Variants in GLTP observed in about 807,000 individuals in gnomAD.
GLTP encodes glycolipid transfer protein.
In GLTP, 22 loss-of-function variants were observed where a neutral mutation model predicts 24.0. That is an observed-to-expected ratio of 0.92 (90% CI 0.65 to 1.31). The LOEUF (loss-of-function observed/expected upper bound fraction) is 1.31. Among genes scored for constraint, GLTP ranks in the 50% most tolerant of loss-of-function variants. The probability of loss-of-function intolerance (pLI) is 0.00; values close to 1 mark genes in which losing one functional copy is unlikely to be tolerated. For synonymous variants in GLTP, 92 were observed against 115.9 expected (o/e 0.79, Z 1.33); for missense variants, 224 against 276.6 (o/e 0.81, Z 1.35).
intron 1 of GLTP, among the ~76,000 whole-genome samples, chr12:109,873,693 C>T (rs926258188): frequency 2.7e-5 from 4 of 150,906 alleles, no homozygotes; most frequent in Non-Finnish European, 2.9e-5. Flanking sequence ...CCTATAATCC[C>T]AACTACTTAT....
chr12:109,866,694 C>T (rs946941996), intron 1 of GLTP, among the ~76,000 whole-genome samples: 8 of 151,842 alleles, frequency 5.3e-5, no homozygotes, highest in East Asian at 1.9e-4. Context: ...CCCCTCAAAC[C>T]GTCACTAAAT....
intron 1 of GLTP, among the ~76,000 whole-genome samples, chr12:109,867,399 T>G (rs1868564501): frequency 6.6e-6 from 1 of 152,146 alleles, no homozygotes; most frequent in African/African-American, 2.4e-5. Context: ...TCCACCCACC[T>G]CGGCTTCCCA....
At chr12:109,877,065 G>T (rs1868907533) in intron 1 of GLTP, among the ~76,000 whole-genome samples, 1 of 152,160 alleles carries the variant, frequency 6.6e-6, no homozygotes. Context: ...TGTTGCCCAG[G>T]CTGGTCTCAA....
intron 1 of GLTP, among the ~76,000 whole-genome samples, chr12:109,865,362 C>T (rs1020918433): frequency 4.9e-4 from 75 of 152,206 alleles, no homozygotes; most frequent in East Asian, 1.9e-4. Context: ...CATGGTGGCT[C>T]ACGCCTGTAA....
At chr12:109,869,622 A>ATT (rs1186003385) in intron 1 of GLTP, among the ~76,000 whole-genome samples, 1 of 136,842 alleles carries the variant, frequency 7.3e-6, no homozygotes, top group African/African-American at 2.7e-5. Context: ...CACCCAGCTA[A>ATT]TTTTTTTTTT....
Position 109,852,711 on chromosome 12 carries a change from C to T in GLTP, c.474G>A (p.Lys158=), listed in dbSNP as rs1892743314. ...FQAALYAAPY[K]SDFLKALSKG... ...TGGAGAGCGCTTTCAGGAAGTCAGA[C>T]TTATAGGGTGCTGCGTACAGTGCTG... is the stretch of plus-strand genomic sequence containing the variant. The change falls in exon 5 of 5, where the codon AAG becomes AAA. Residue 158 remains lysine (K), a synonymous_variant. Coordinates refer to ENST00000318348, the MANE Select transcript of GLTP (RefSeq NM_016433.4). The T allele has an allele frequency of 6.2e-7, 1 of 1,612,994 alleles. No individual in the cohort carries two copies. The highest frequency in any genetic ancestry group is 8.5e-7 in the Non-Finnish European group (1 of 1,179,052).
At chr12:109,862,839 G>C (rs113837569) in intron 1 of GLTP, among the ~76,000 whole-genome samples, 8,303 of 152,174 alleles carry the variant, frequency 0.055, 336 homozygotes, top group East Asian at 0.11. Context: ...ATCACCTGAG[G>C]TCAGGAGTTC....
Position 109,855,623 on chromosome 12 carries a change from A to T in GLTP, c.443T>A (p.Phe148Tyr). Residue 148 changes from phenylalanine to tyrosine, a missense_variant, in exon 4 of 5, where the codon TTC (phenylalanine) becomes TAC (tyrosine). Phe to Tyr is a conservative substitution (Grantham distance 22). Transcript: ENST00000318348. The surrounding 1 kb of genome is among the most constrained non-coding windows in gnomAD (Gnocchi z 4.1). ...KYHGWIVQKI[F>Y]QAALYAAPYK... Reference sequence around the variant, plus strand: ...GGGCTCATGGGGGTGGCTCACCTGGAAGATCTTCTGCACGATCCAGCCATG... The same window carrying T: ...GGGCTCATGGGGGTGGCTCACCTGGTAGATCTTCTGCACGATCCAGCCATG... 6.5e-7 allele frequency: 1 copy of T among 1,545,416 alleles called. No homozygotes were observed. The highest frequency in any genetic ancestry group is 8.7e-7 in the Non-Finnish European group (1 of 1,144,064).
intron 1 of GLTP, among the ~76,000 whole-genome samples, chr12:109,872,984 C>A (rs1868771998): frequency 6.6e-6 from 1 of 152,194 alleles, no homozygotes; most frequent in Non-Finnish European, 1.5e-5. Flanking sequence ...AATACAAATT[C>A]ATAAACTTTC....
chr12:109,872,579 G>A (rs995716794), intron 1 of GLTP, among the ~76,000 whole-genome samples: 9 of 152,114 alleles, frequency 5.9e-5, no homozygotes, highest in African/African-American at 1.9e-4. Context: ...TTGTTCTCTG[G>A]CCAGGTGGGA....
intron 4 of GLTP, among the ~76,000 whole-genome samples, chr12:109,854,284 T>TG (rs1309202070): frequency 7.0e-6 from 1 of 141,880 alleles, no homozygotes; most frequent in Non-Finnish European, 1.5e-5. Context: ...CGCTTGAGCC[T>TG]GGGAAGTGGA....
At chr12:109,877,991 G>A (rs767489425) in intron 1 of GLTP, among the ~76,000 whole-genome samples, 4 of 152,128 alleles carry the variant, frequency 2.6e-5, no homozygotes, top group Non-Finnish European at 5.9e-5. Flanking sequence ...GTGGGCAGAG[G>A]GCCCTGTGGT....
chr12:109,854,656 G>A (rs1009536142), intron 4 of GLTP, among the ~76,000 whole-genome samples: 1 of 152,144 alleles, frequency 6.6e-6, no homozygotes, highest in African/African-American at 2.4e-5. Context: ...ACAATTCATG[G>A]GCAGCTGCCC....
intron 4 of GLTP, 28 bp from the exon 5 acceptor site, chr12:109,852,765 C>T (rs1434170810): frequency 6.5e-7 from 1 of 1,546,076 alleles, no homozygotes; most frequent in Non-Finnish European, 8.9e-7. Flanking sequence ...GGGAGGTAGG[C>T]ACAGCGTTAG....
chr12:109,880,524 C>A lies in GLTP; in HGVS notation c.-150G>T. 5.6e-6 allele frequency: 1 copy of A among 177,078 alleles called. No individual in the cohort carries two copies. Among genetic ancestry groups the A allele is most frequent in the South Asian group, 1.8e-4 (1 of 5,560 alleles). 11.0% of individuals were successfully genotyped at this position (177,078 alleles called of 1,614,324 possible). On this transcript the variant is annotated 5_prime_UTR_variant, in exon 1 of 5. Transcript: ENST00000318348. The surrounding 1 kb of genome is among the most constrained non-coding windows in gnomAD (Gnocchi z 5.1). ...GTCGCCACTTCCGCCCGCACGGCGC[C>A]CTCGTAGCCGAGCGCTCAGCGCCGC...
chr12:109,867,611 A>G (rs981338732), intron 1 of GLTP, among the ~76,000 whole-genome samples: 10 of 152,180 alleles, frequency 6.6e-5, no homozygotes, highest in African/African-American at 2.4e-4. Flanking sequence ...CACAGTTCAG[A>G]TGGGTGACAT....
chr12:109,865,892 T>C (rs1420969975), intron 1 of GLTP, among the ~76,000 whole-genome samples: 1 of 152,180 alleles, frequency 6.6e-6, no homozygotes, highest in Non-Finnish European at 1.5e-5. Context: ...CTTTTTCCAA[T>C]GCACGCTACT....
chr12:109,852,867 T>C (rs891520689), intron 4 of GLTP, 130 bp from the exon 5 acceptor site: 10 of 620,794 alleles, frequency 1.6e-5, no homozygotes, highest in African/African-American at 9.3e-5. Flanking sequence ...ATTTGAGGTG[T>C]TGGAAGGGAA....
chr12:109,855,833 T>TG lies in GLTP; in HGVS notation c.297-65dup. ...ACAGCCCTGTCGTGAAAGACCCTGA[T>TG]GGACTCTGAATTTGCCACCTACTGT... On this transcript the variant is annotated intron_variant, in intron 3 of 4. Coordinates refer to ENST00000318348, the MANE Select transcript of GLTP (RefSeq NM_016433.4). This position sits in a 1 kb window ranked among gnomAD's most constrained non-coding sequence, Gnocchi z 4.1. The TG allele has an allele frequency of 1.4e-6, 2 of 1,386,044 alleles. No individual in the cohort carries two copies. Among genetic ancestry groups the TG allele is most frequent in the Admixed American group, 2.6e-5 (1 of 38,860 alleles). The allele number at this position is 1,386,044 out of a possible 1,614,324, so 85.9% of individuals were successfully genotyped here.
Sources: gnomAD v4.1 joint callset for allele counts (sites outside exome capture counted in the v4.1 genomes callset) on GRCh38, gnomAD v4.1.1 for gene constraint, Gnocchi (gnomAD v3.1) non-coding constraint, MANE v1.5 for transcripts, NCBI Gene and HGNC (gene_info 2026-07-23, HGNC 2026-07-21) for gene names.